The following FGFR1 variants were observed in gnomAD, a reference collection of about 807,000 sequenced individuals.
FGFR1 encodes FGFR1/PLAG1 fusion.
In FGFR1, 18 loss-of-function variants were observed where a neutral mutation model predicts 93.7. That is an observed-to-expected ratio of 0.19 (90% CI 0.13 to 0.28). The LOEUF is 0.28. FGFR1 is among the 10% of genes least tolerant of loss of function. FGFR1 has a pLI of 1.00. For synonymous variants in FGFR1, 448 were observed against 429.3 expected (o/e 1.04, Z -0.54); for missense variants, 731 against 1,080.4 (o/e 0.68, Z 4.53).
At chr8:38,419,280 T>C (rs1162541200) in intron 9 of FGFR1, among the ~76,000 whole-genome samples, 4 of 152,132 alleles carry the variant, frequency 2.6e-5, no homozygotes, top group Non-Finnish European at 5.9e-5. Context: ...TCTGTCCAAA[T>C]AGGACTTCCT....
chr8:38,422,175 G>A (rs1443638664), intron 7 of FGFR1: 10 of 550,494 alleles, frequency 1.8e-5, no homozygotes, highest in Middle Eastern at 4.7e-4. Flanking sequence ...GGCTGGTTAC[G>A]ACCCTTCACC....
rs1209069179 is a variant in FGFR1, at chr8:38,426,823, A to G, written c.622-578T>C. Among the ~76,000 whole-genome samples, 1 of 152,174 alleles carries G rather than the reference A, an allele frequency of 6.6e-6. No homozygotes were observed. Among genetic ancestry groups the G allele is most frequent in the African/African-American group, 2.4e-5 (1 of 41,438 alleles). On this transcript the variant is annotated intron_variant, in intron 5 of 17. Coordinates refer to ENST00000447712, the MANE Select transcript of FGFR1 (RefSeq NM_023110.3). This position sits in a 1 kb window ranked among gnomAD's most constrained non-coding sequence, Gnocchi z 4.1. ...TGAGTGCATGGTGAATTAATTTAAA[A>G]TATTTCTGGCTGGGTGCGGTGGCTC... is the stretch of plus-strand genomic sequence containing the variant.
In FGFR1 at chr8:38,424,049, G is replaced by C. The variant is rs976188492; in HGVS notation, c.936+460C>G. ...TTACTCCTCGTCCTCATATGGCTTAGAATTTATATATGGCATTTGTTTTTC... is the reference window on the plus strand; with the variant it reads ...TTACTCCTCGTCCTCATATGGCTTACAATTTATATATGGCATTTGTTTTTC... On this transcript the variant is annotated intron_variant, in intron 7 of 17. Transcript: ENST00000447712. This position sits in a 1 kb window ranked among gnomAD's most constrained non-coding sequence, Gnocchi z 4.3. The C allele has an allele frequency of 3.6e-6, 1 of 278,940 alleles. No homozygotes were observed. Among genetic ancestry groups the C allele is most frequent in the African/African-American group, 2.2e-5 (1 of 45,670 alleles). The allele number at this position is 278,940 out of a possible 1,614,324, so 17.3% of individuals were successfully genotyped here.
intron 2 of FGFR1, among the ~76,000 whole-genome samples, chr8:38,456,403 G>C (rs1832861522): frequency 6.6e-6 from 1 of 152,172 alleles, no homozygotes; most frequent in South Asian, 2.1e-4. Flanking sequence ...TGATGGCTCT[G>C]AATTTCCAAC....
rs1349475546 is a variant in FGFR1, at chr8:38,430,000, C to T, written c.92-52G>A. ...GAAGCCAAGGGGCGAGAGAGGAAGA[C>T]AGGGAGAGGGGAGGAGGGGAGAGAC... On this transcript the variant is annotated intron_variant, in intron 2 of 17. Coordinates refer to ENST00000447712, the MANE Select transcript of FGFR1 (RefSeq NM_023110.3). The surrounding 1 kb of genome is among the most constrained non-coding windows in gnomAD (Gnocchi z 4.4). 10 of 1,541,156 alleles carry T rather than the reference C, an allele frequency of 6.5e-6. No individual in the cohort carries two copies. The highest frequency in any genetic ancestry group is 8.8e-6 in the Non-Finnish European group (10 of 1,140,118).
rs2150504861 is a variant in FGFR1, at chr8:38,413,656, A to T, written c.2441T>A (p.Leu814His). The stretch of plus-strand genomic sequence containing the variant: ...GCGGCGTTTGAGTCCGCCATTGGCA[A>T]GCTGGGCTGGGTGTCGGGGCAGGCA... ...EPCLPRHPAQLANGGLKRR is the reference protein window; with the variant it reads ...EPCLPRHPAQHANGGLKRR Residue 814 changes from leucine to histidine, a missense_variant, in exon 18 of 18, where the codon CTT (leucine) becomes CAT (histidine). This residue lies in a region of FGFR1 where 79 missense variants were observed against 97.2 expected (regional missense o/e 0.81). Coordinates refer to ENST00000447712, the MANE Select transcript of FGFR1 (RefSeq NM_023110.3). The surrounding 1 kb of genome is among the most constrained non-coding windows in gnomAD (Gnocchi z 4.2). 1 of 1,612,846 alleles carries T rather than the reference A, an allele frequency of 6.2e-7. No individual in the cohort carries two copies. Among genetic ancestry groups the T allele is most frequent in the East Asian group, 2.2e-5 (1 of 44,850 alleles).
chr8:38,414,388 A>AG, intron 15 of FGFR1, 99 bp from the exon 16 acceptor site: 7 of 1,584,090 alleles, frequency 4.4e-6, no homozygotes, highest in Non-Finnish European at 6.0e-6. Flanking sequence ...GACAGCATGG[A>AG]GAACAGATCA....
intron 2 of FGFR1, among the ~76,000 whole-genome samples, chr8:38,440,698 G>A (rs900939703): frequency 1.3e-5 from 2 of 151,940 alleles, no homozygotes; most frequent in East Asian, 1.9e-4. Flanking sequence ...CTGACAAAAC[G>A]GTGCAAACTG....
chr8:38,439,584 C>T (rs947110863), intron 2 of FGFR1, among the ~76,000 whole-genome samples: 1 of 152,170 alleles, frequency 6.6e-6, no homozygotes, highest in Non-Finnish European at 1.5e-5. Context: ...CATGACAGCC[C>T]CAGCTGGTCT....
intron 8 of FGFR1, chr8:38,421,571 G>A: frequency 1.7e-6 from 1 of 603,418 alleles, no homozygotes; most frequent in Non-Finnish European, 3.0e-6. Flanking sequence ...GAGAGCAGAG[G>A]CAGGTGTACG....
intron 2 of FGFR1, among the ~76,000 whole-genome samples, chr8:38,453,589 C>A (rs1831805884): frequency 6.6e-6 from 1 of 152,094 alleles, no homozygotes; most frequent in South Asian, 2.1e-4. Flanking sequence ...TTACAATAGC[C>A]CAAACTGTTA....
intron 2 of FGFR1, among the ~76,000 whole-genome samples, chr8:38,432,932 T>C (rs1823815601): frequency 9.2e-6 from 1 of 108,616 alleles, no homozygotes; most frequent in African/African-American, 3.5e-5. Flanking sequence ...CCAGTTGGGA[T>C]GCTTTCAGCA....
rs1021420604 is a variant in FGFR1, at chr8:38,426,009, G to A, written c.745+113C>T. On this transcript the variant is annotated intron_variant, in intron 6 of 17. Coordinates refer to ENST00000447712, the MANE Select transcript of FGFR1 (RefSeq NM_023110.3). This position sits in a 1 kb window ranked among gnomAD's most constrained non-coding sequence, Gnocchi z 4.1. ...CTGCTCAAGGTGACAAAGCCAAGAAGTGCCAATCGCTATCCTGACTCTGCC... is the reference window on the plus strand; with the variant it reads ...CTGCTCAAGGTGACAAAGCCAAGAAATGCCAATCGCTATCCTGACTCTGCC... The A allele has an allele frequency of 2.1e-6, 3 of 1,438,160 alleles. No homozygotes were observed. Among genetic ancestry groups the A allele is most frequent in the Non-Finnish European group, 1.9e-6 (2 of 1,027,422 alleles). The allele number at this position is 1,438,160 out of a possible 1,614,324, so 89.1% of individuals were successfully genotyped here. A position where few individuals can be genotyped will look rare whatever the true frequency, so the allele number is the denominator to read the frequency against.
chr8:38,464,464 G>A (rs1047430149), intron 1 of FGFR1, among the ~76,000 whole-genome samples: 1 of 152,172 alleles, frequency 6.6e-6, no homozygotes, highest in African/African-American at 2.4e-5. Flanking sequence ...TTAAATGGGG[G>A]AGAGGGCCCT....
intron 2 of FGFR1, among the ~76,000 whole-genome samples, chr8:38,432,575 G>C (rs944761227): frequency 3.9e-5 from 6 of 152,028 alleles, no homozygotes; most frequent in African/African-American, 1.4e-4. Flanking sequence ...ACCATGCCCA[G>C]CTAATTTTTG....
rs2150505070 is a variant in FGFR1 at position 38,413,661 on chromosome 8, G to T, written c.2436C>A (p.Ala812=). ...GTTTGAGTCCGCCATTGGCAAGCTG[G>T]GCTGGGTGTCGGGGCAGGCAGGGCT... The part of the protein sequence containing the change: ...PEEPCLPRHP[A]QLANGGLKRR Residue 812 remains alanine, a synonymous_variant, in exon 18 of 18, where the codon GCC becomes GCA. Transcript: ENST00000447712. This position sits in a 1 kb window ranked among gnomAD's most constrained non-coding sequence, Gnocchi z 4.2. 1 of 1,613,250 alleles carries T rather than the reference G, an allele frequency of 6.2e-7. No individual in the cohort carries two copies.
rs376583717 is a variant in FGFR1 at position 38,414,042 on chromosome 8, G to A, written c.2187-19C>T. On this transcript the variant is annotated intron_variant, in intron 16 of 17. Transcript: ENST00000447712. ...CATGTACCTGCGGCAGGACTGTAAG[G>A]TCAGGGACGTCTCCTGGAGATGGAT... 6.0e-4 allele frequency: 972 copies of A among 1,613,774 alleles called. No homozygotes were observed. The highest frequency in any genetic ancestry group is 8.0e-4 in the Non-Finnish European group (948 of 1,179,798).
intron 8 of FGFR1, 122 bp from the exon 9 acceptor site, chr8:38,419,857 G>A: frequency 1.3e-6 from 1 of 784,942 alleles, no homozygotes; most frequent in East Asian, 2.7e-5. Context: ...GAAGAACCAT[G>A]GCAAGTTCTA....
At chr8:38,450,924 A>G (rs961999661) in intron 2 of FGFR1, among the ~76,000 whole-genome samples, 5 of 152,100 alleles carry the variant, frequency 3.3e-5, no homozygotes, top group Non-Finnish European at 7.4e-5. Context: ...GCGTCCTCAC[A>G]TTCTCTCACA....
Sources: allele counts gnomAD v4.1 joint callset (sites outside exome capture counted in the v4.1 genomes callset), GRCh38; gene constraint gnomAD v4.1.1; regional missense constraint gnomAD v4.1.1; non-coding constraint Gnocchi (gnomAD v3.1); transcripts MANE v1.5; gene names NCBI Gene and HGNC (gene_info 2026-07-23, HGNC 2026-07-21).